ZEB2: variants seen among roughly 807,000 people sequenced by gnomAD.
ZEB2 encodes the protein zinc finger E-box binding homeobox 2, also known as zinc finger E-box-binding homeobox 2.
A neutral mutation model predicts 99.9 loss-of-function variants in ZEB2; 6 were observed. The ratio of observed to expected loss-of-function variants is 0.06; its 90% CI spans 0.03 to 0.12. The LOEUF is 0.12. Among genes scored for constraint, ZEB2 ranks in the 10% least tolerant of loss-of-function variants. The pLI is 1.00. For synonymous variants in ZEB2, 517 were observed against 542.5 expected (o/e 0.95, Z 0.65); for missense variants, 969 against 1,502.8 (o/e 0.64, Z 5.87).
At chr2:144,405,500 A>G (rs1290224545) in intron 4 of ZEB2, 8 of 175,176 alleles carry the variant, frequency 4.6e-5, no homozygotes, top group Non-Finnish European at 8.5e-5. Context: ...GTTGCTAAAT[A>G]TAAGTTTTTA....
intron 4 of ZEB2, chr2:144,424,489 C>T (rs567185561): frequency 3.5e-6 from 2 of 568,986 alleles, no homozygotes; most frequent in African/African-American, 1.9e-5. Context: ...TAATTTTTTG[C>T]AGTCTTTTAA....
Position 144,384,886 on chromosome 2 carries a change from C to T in ZEB2, c.*4565G>A, listed in dbSNP as rs1055057249. 3.9e-5 allele frequency: 6 copies of T among 152,084 alleles called. No individual in the cohort carries two copies. Among genetic ancestry groups the T allele is most frequent in the South Asian group, 4.1e-4 (2 of 4,820 alleles). 9.4% of individuals were successfully genotyped at this position (152,084 alleles called of 1,614,324 possible). A position where few individuals can be genotyped will look rare whatever the true frequency, so the allele number is the denominator to read the frequency against. The stretch of plus-strand genomic sequence containing the variant: ...ATGTATTTTCTTCATCTTTGTTACA[C>T]GATGCATATTTCAGTGACTAAAAGC... On this transcript the variant is annotated 3_prime_UTR_variant, in exon 10 of 10. Coordinates refer to ENST00000627532, the MANE Select transcript of ZEB2 (RefSeq NM_014795.4).
intron 3 of ZEB2, among the ~76,000 whole-genome samples, chr2:144,425,380 C>T (rs867907347): frequency 6.6e-6 from 1 of 152,160 alleles, no homozygotes; most frequent in South Asian, 2.1e-4. Flanking sequence ...CTTGGAATGC[C>T]CAGTTTGTAC....
chr2:144,397,446 G>A (rs980214039), intron 8 of ZEB2, among the ~76,000 whole-genome samples: 2 of 152,190 alleles, frequency 1.3e-5, no homozygotes, highest in Non-Finnish European at 2.9e-5. Flanking sequence ...AAGATTATAT[G>A]CTGCATAATG....
At chr2:144,480,472 G>T (rs997759065) in intron 2 of ZEB2, among the ~76,000 whole-genome samples, 1 of 152,154 alleles carries the variant, frequency 6.6e-6, no homozygotes, top group Non-Finnish European at 1.5e-5. Flanking sequence ...AGTTAGGAAA[G>T]AACTTTTCTT....
At chr2:144,417,996 G>A (rs749574239) in intron 4 of ZEB2, among the ~76,000 whole-genome samples, 8 of 152,186 alleles carry the variant, frequency 5.3e-5, no homozygotes, top group African/African-American at 1.7e-4. Flanking sequence ...AAAAGAATAC[G>A]ATTCCTGATG....
In ZEB2 at chr2:144,388,481, A is replaced by T. The variant is rs1280079081; in HGVS notation, c.*970T>A. 1.3e-5 allele frequency: 2 copies of T among 154,846 alleles called. No individual in the cohort carries two copies. The highest frequency in any genetic ancestry group is 2.4e-5 in the African/African-American group (1 of 41,478). 9.6% of individuals were successfully genotyped at this position (154,846 alleles called of 1,614,324 possible). ...ATATAAAATGAGCCACATAAATAAA[A>T]TGTTATTTGACCTAAAATTAAATGA... On this transcript the variant is annotated 3_prime_UTR_variant, in exon 10 of 10. Coordinates refer to ENST00000627532, the MANE Select transcript of ZEB2 (RefSeq NM_014795.4). This position sits in a 1 kb window ranked among gnomAD's most constrained non-coding sequence, Gnocchi z 5.4.
In ZEB2 at chr2:144,399,644, C is replaced by A; in HGVS notation, c.1543G>T (p.Val515Leu). Residue 515 changes from valine (V) to leucine (L), a missense_variant, in exon 8 of 10, where the codon GTA becomes TTA. By Grantham distance (32) the Val-to-Leu change is conservative. Around this residue, in one of 8 missense-constraint regions of ZEB2, gnomAD observed 227 missense variants for 278.2 expected, o/e 0.82. Transcript: ENST00000627532. This position sits in a 1 kb window ranked among gnomAD's most constrained non-coding sequence, Gnocchi z 5.6. The part of the protein sequence containing the change: ...SPNIPPVGLP[V>L]VSHNGATKSI... ...TTAGTGGCACCATTATGACTCACTACCGGAAGACCGACAGGCGGAATATTA... is the reference window on the plus strand; with the variant it reads ...TTAGTGGCACCATTATGACTCACTAACGGAAGACCGACAGGCGGAATATTA... 1 of 1,614,206 alleles carries A rather than the reference C, an allele frequency of 6.2e-7. No individual in the cohort carries two copies. Among genetic ancestry groups the A allele is most frequent in the Non-Finnish European group, 8.5e-7 (1 of 1,180,030 alleles).
chr2:144,391,303 C>T (rs1485321262), intron 9 of ZEB2, among the ~76,000 whole-genome samples: 6 of 152,070 alleles, frequency 3.9e-5, no homozygotes, highest in African/African-American at 1.4e-4. Flanking sequence ...GGAATGTCCA[C>T]TAGAAATTTA....
At chr2:144,454,406 C>T (rs1384071484) in intron 2 of ZEB2, among the ~76,000 whole-genome samples, 1 of 152,146 alleles carries the variant, frequency 6.6e-6, no homozygotes, top group East Asian at 1.9e-4. Flanking sequence ...AAGATTCCAT[C>T]AAAAGCGAAC....
intron 2 of ZEB2, among the ~76,000 whole-genome samples, chr2:144,508,529 G>A (rs1376687593): frequency 1.3e-5 from 2 of 151,986 alleles, no homozygotes; most frequent in Non-Finnish European, 2.9e-5. Flanking sequence ...AACTAAATAA[G>A]GCAATCTTAT....
chr2:144,428,711 T>G (rs981528824), intron 3 of ZEB2: 1 of 152,170 alleles, frequency 6.6e-6, no homozygotes, highest in Non-Finnish European at 1.5e-5. Context: ...GCTTTTATTA[T>G]CCTCCTTCCA....
intron 2 of ZEB2, among the ~76,000 whole-genome samples, chr2:144,449,443 C>T (rs1428870101): frequency 2.0e-5 from 3 of 152,190 alleles, no homozygotes; most frequent in Non-Finnish European, 4.4e-5. Flanking sequence ...CAGTAACACC[C>T]CTCATCCCTA....
At chr2:144,461,532 C>T (rs1336922369) in intron 2 of ZEB2, 1 of 152,190 alleles carries the variant, frequency 6.6e-6, no homozygotes, top group Non-Finnish European at 1.5e-5. Context: ...GCCCTAGCTT[C>T]TATACACCCA....
At chr2:144,506,083 G>A (rs2149927921) in intron 2 of ZEB2, among the ~76,000 whole-genome samples, 1 of 152,284 alleles carries the variant, frequency 6.6e-6, no homozygotes, top group South Asian at 2.1e-4. Context: ...TACACTTAAA[G>A]CTTAGATTAA....
intron 5 of ZEB2, 121 bp from the exon 6 acceptor site, chr2:144,404,251 G>C: frequency 1.8e-6 from 2 of 1,123,776 alleles, no homozygotes; most frequent in Middle Eastern, 2.8e-4. Context: ...TCCACAGAGT[G>C]CCATCATTGC....
chr2:144,389,301 T>G lies in ZEB2; in HGVS notation c.*150A>C. ...ATACCCAGCTCCAACTCCGTCTACA[T>G]CTGTCTTGGCTGAACCGCCCCTTCT... On this transcript the variant is annotated 3_prime_UTR_variant, in exon 10 of 10. Coordinates refer to ENST00000627532, the MANE Select transcript of ZEB2 (RefSeq NM_014795.4). The surrounding 1 kb of genome is among the most constrained non-coding windows in gnomAD (Gnocchi z 6.8). 2.2e-6 allele frequency: 2 copies of G among 914,148 alleles called. No individual in the cohort carries two copies. Among genetic ancestry groups the G allele is most frequent in the South Asian group, 1.4e-5 (1 of 69,204 alleles). The allele number at this position is 914,148 out of a possible 1,614,324, so 56.6% of individuals were successfully genotyped here. A position where few individuals can be genotyped will look rare whatever the true frequency, so the allele number is the denominator to read the frequency against.
intron 2 of ZEB2, among the ~76,000 whole-genome samples, chr2:144,451,981 T>C (rs2149900183): frequency 6.6e-6 from 1 of 152,322 alleles, no homozygotes. Context: ...CCTATGTGTT[T>C]GATAGTTGTG....
At chr2:144,504,671 G>T in intron 2 of ZEB2, 1 of 152,114 alleles carries the variant, frequency 6.6e-6, no homozygotes, top group Non-Finnish European at 1.5e-5. Context: ...AGAGACAAGG[G>T]CTTTTCACGT....
Sources: gnomAD v4.1 joint callset for allele counts (sites outside exome capture counted in the v4.1 genomes callset) on GRCh38, gnomAD v4.1.1 for gene constraint, gnomAD v4.1.1 regional missense constraint, Gnocchi (gnomAD v3.1) non-coding constraint, MANE v1.5 for transcripts, NCBI Gene and HGNC (gene_info 2026-07-23, HGNC 2026-07-21) for gene names.